The following MBTD1 variants were observed in gnomAD, a reference collection of about 807,000 sequenced individuals.
MBTD1 encodes MBT domain-containing protein 1.
MBTD1 carries 24 observed loss-of-function variants against 87.8 expected under a neutral mutation model. That is an observed-to-expected ratio of 0.27 (90% CI 0.20 to 0.38). The LOEUF is 0.38. Among genes scored for constraint, MBTD1 ranks in the 10% least tolerant of loss-of-function variants. The pLI is 1.00. For missense variants in MBTD1, 436 were observed against 760.2 expected (o/e 0.57, Z 5.02); for synonymous variants, 237 against 248.6 (o/e 0.95, Z 0.44).
At chr17:51,220,576 C>T (rs1598367152) in intron 3 of MBTD1, 113 bp from the exon 4 acceptor site, 1 of 997,970 alleles carries the variant, frequency 1.0e-6, no homozygotes, top group East Asian at 2.6e-5. Context: ...AAAAATTTGC[C>T]TTGAACATTT....
intron 2 of MBTD1, among the ~76,000 whole-genome samples, chr17:51,229,297 AG>A (rs1417794074): frequency 6.6e-6 from 1 of 151,996 alleles, no homozygotes; most frequent in Non-Finnish European, 1.5e-5. Flanking sequence ...ACACAGATAC[AG>A]TTTTTTTTTT....
At chr17:51,195,522 G>A (rs1409256779) in intron 12 of MBTD1, among the ~76,000 whole-genome samples, 161 bp from the exon 13 acceptor site, 2 of 152,112 alleles carry the variant, frequency 1.3e-5, no homozygotes, top group African/African-American at 2.4e-5. Context: ...AAGTTCTAAT[G>A]AAAAAAATCT....
At chr17:51,260,690 G>A (rs1397658099), upstream of MBTD1, 2 of 1,607,640 alleles carry the variant, frequency 1.2e-6, no homozygotes, top group African/African-American at 1.3e-5. Context: ...AGCGGGGCCA[G>A]GCGGGCCTCC....
chr17:51,182,265 C>T (rs919743111), intron 16 of MBTD1, among the ~76,000 whole-genome samples: 2 of 151,954 alleles, frequency 1.3e-5, no homozygotes, highest in African/African-American at 2.4e-5. Flanking sequence ...GCTGGGATTA[C>T]AGGTGTGTGC....
At chr17:51,231,499 G>C (rs1332928148) in intron 2 of MBTD1, among the ~76,000 whole-genome samples, 1 of 152,024 alleles carries the variant, frequency 6.6e-6, no homozygotes, top group Non-Finnish European at 1.5e-5. Flanking sequence ...TCACGTCAAG[G>C]TCTTCTGGAG....
chr17:51,233,638 AAC>A (rs1279221640), intron 2 of MBTD1, among the ~76,000 whole-genome samples: 3 of 152,258 alleles, frequency 2.0e-5, no homozygotes, highest in African/African-American at 7.2e-5. Context: ...AGAAAGAGAA[AAC>A]AGATGGGAAC....
chr17:51,252,224 T>G (rs79758347), intron 2 of MBTD1, among the ~76,000 whole-genome samples: 1 of 152,174 alleles, frequency 6.6e-6, no homozygotes, highest in Non-Finnish European at 1.5e-5. Flanking sequence ...GTGGCCCAAA[T>G]AGGCTAAGCA....
chr17:51,259,275 C>A (rs1187769161), intron 1 of MBTD1, 69 bp from the exon 2 acceptor site: 2 of 1,231,412 alleles, frequency 1.6e-6, no homozygotes, highest in Non-Finnish European at 2.0e-6. Context: ...GACTTGAAAC[C>A]CTTTTAAATA....
Position 51,179,072 on chromosome 17 carries a change from G to T in MBTD1, c.*1504C>A, listed in dbSNP as rs2050187279. 2.0e-5 allele frequency: 3 copies of T among 151,894 alleles called. No individual in the cohort carries two copies. Among genetic ancestry groups the T allele is most frequent in the Admixed American group, 2.0e-4 (3 of 15,224 alleles). The allele number at this position is 151,894 out of a possible 1,614,324, so 9.4% of individuals were successfully genotyped here. ...TCAAACAAAAGTCTTACCTAAAATG[G>T]TCTCCTGGGGCTTTCCATTAACATT... On this transcript the variant is annotated 3_prime_UTR_variant, in exon 17 of 17. Transcript: ENST00000586178.
At chr17:51,260,379 G>T, upstream of MBTD1, 1 of 592,764 alleles carries the variant, frequency 1.7e-6, no homozygotes, top group Non-Finnish European at 2.9e-6. Context: ...CCGGAAGATT[G>T]GCCCTCCCGG....
intron 2 of MBTD1, among the ~76,000 whole-genome samples, chr17:51,238,780 C>A (rs981953034): frequency 2.0e-5 from 3 of 152,092 alleles, no homozygotes; most frequent in Admixed American, 6.6e-5. Context: ...TAAACACTAG[C>A]AATTTAAACA....
At chr17:51,204,560 T>C (rs1006222795) in intron 7 of MBTD1, among the ~76,000 whole-genome samples, 1 of 134,322 alleles carries the variant, frequency 7.4e-6, no homozygotes, top group Non-Finnish European at 1.7e-5. Flanking sequence ...TGGAGTGCAG[T>C]GGTGTGATCT....
chr17:51,200,921 G>A (rs2051451599), intron 12 of MBTD1, among the ~76,000 whole-genome samples: 1 of 151,892 alleles, frequency 6.6e-6, no homozygotes, highest in Non-Finnish European at 1.5e-5. Context: ...AGCACTTTAG[G>A]AGGATTGCCT....
intron 2 of MBTD1, among the ~76,000 whole-genome samples, chr17:51,229,722 G>A (rs1324923802): frequency 2.7e-5 from 4 of 148,590 alleles, no homozygotes; most frequent in East Asian, 2.0e-4. Flanking sequence ...GTGCAGTGGC[G>A]CAATCTTGGC....
chr17:51,257,206 C>G (rs959040152), intron 2 of MBTD1, among the ~76,000 whole-genome samples: 1 of 152,156 alleles, frequency 6.6e-6, no homozygotes, highest in Non-Finnish European at 1.5e-5. Context: ...CTTTTATTGT[C>G]CTGATGTTTT....
intron 2 of MBTD1, among the ~76,000 whole-genome samples, chr17:51,243,650 A>T (rs527306824): frequency 6.6e-6 from 1 of 152,292 alleles, no homozygotes; most frequent in African/African-American, 2.4e-5. Context: ...ATAAAAATTA[A>T]AAAGTCGTAT....
At chr17:51,250,888 C>T (rs891278766) in intron 2 of MBTD1, 1 of 152,148 alleles carries the variant, frequency 6.6e-6, no homozygotes, top group African/African-American at 2.4e-5. Flanking sequence ...ATCCTGTTTT[C>T]CTGCTTTTCT....
At position 51,194,566 on chromosome 17, in the gene MBTD1, C is replaced by CAAAAAAAAAAAAAAAAAAA. The variant is rs71355733; in HGVS notation, c.1372+629_1372+647dup. ...CCTGGGTGACAGAGCGAGACTGTCT[C>CAAAAAAAAAAAAAAAAAAA]AAAAAAAAAAAAAAAAAAAAAAAAA... On this transcript the variant is annotated intron_variant, in intron 13 of 16. Transcript: ENST00000586178. 4.6e-4 allele frequency among the ~76,000 whole-genome samples: 9 copies of CAAAAAAAAAAAAAAAAAAA among 19,734 alleles called. 1 individual carries two copies. The highest frequency in any genetic ancestry group is 2.1e-3 in the African/African-American group (8 of 3,804). 12.9% of individuals were successfully genotyped at this position (19,734 alleles called of 152,430 possible). A position where few individuals can be genotyped will look rare whatever the true frequency, so the allele number is the denominator to read the frequency against.
chr17:51,260,595 A>G (rs777141164), upstream of MBTD1: 4 of 1,612,168 alleles, frequency 2.5e-6, no homozygotes, highest in Non-Finnish European at 2.5e-6. Context: ...ATGCCGCCGG[A>G]GCGGAGGAGA....
Sources: allele counts gnomAD v4.1 joint callset (sites outside exome capture counted in the v4.1 genomes callset), GRCh38; gene constraint gnomAD v4.1.1; transcripts MANE v1.5; gene names NCBI Gene and HGNC (gene_info 2026-07-23, HGNC 2026-07-21).